Variants in TRDMT1 observed in about 807,000 individuals in gnomAD.
TRDMT1 encodes tRNA aspartic acid methyltransferase 1.
A neutral mutation model predicts 51.2 loss-of-function variants in TRDMT1; 49 were observed. The observed-to-expected ratio is 0.96, with a 90% CI of 0.76 to 1.21. TRDMT1 has a LOEUF of 1.21. Among genes scored for constraint, TRDMT1 ranks in the 50% most tolerant of loss-of-function variants. The pLI, the probability that TRDMT1 is intolerant of heterozygous loss-of-function variation, is 0.00. For synonymous variants in TRDMT1, 187 were observed against 164.6 expected, an observed-to-expected ratio of 1.14 and a Z score of -1.04; for missense variants, 534 against 462.3, an observed-to-expected ratio of 1.16 and a Z score of -1.42.
Position 17,145,793 on chromosome 10 carries a change from C to T in TRDMT1, c.*3247G>A. On this transcript the variant is annotated 3_prime_UTR_variant, in exon 11 of 11. Coordinates refer to ENST00000377799, the MANE Select transcript of TRDMT1 (RefSeq NM_004412.7). ...AGTGACTTTGGTTTGGATGCAGATG[C>T]AGCTGGCCTGCAGAATGCATCCTTT... 1.4e-5 allele frequency: 14 copies of T among 985,442 alleles called. No homozygotes were observed. The highest frequency in any genetic ancestry group is 1.7e-5 in the Non-Finnish European group (14 of 829,940). 61.0% of individuals were successfully genotyped at this position (985,442 alleles called of 1,614,324 possible).
intron 1 of TRDMT1, among the ~76,000 whole-genome samples, chr10:17,199,948 C>A (rs1198676278): frequency 6.6e-6 from 1 of 152,152 alleles, no homozygotes; most frequent in Non-Finnish European, 1.5e-5. Flanking sequence ...TACACAATTT[C>A]CCCTAACAAA....
chr10:17,176,202 A>C (rs928085154), intron 1 of TRDMT1, among the ~76,000 whole-genome samples: 2 of 152,212 alleles, frequency 1.3e-5, no homozygotes, highest in Non-Finnish European at 2.9e-5. Context: ...GCTGAAAATT[A>C]AATAAACTTC....
chr10:17,175,523 G>C (rs1842518492), intron 1 of TRDMT1, among the ~76,000 whole-genome samples: 1 of 152,138 alleles, frequency 6.6e-6, no homozygotes, highest in Non-Finnish European at 1.5e-5. Context: ...AGGAGAAAGT[G>C]TGAAGTTTTA....
At chr10:17,183,400 T>C (rs909310825) in intron 1 of TRDMT1, among the ~76,000 whole-genome samples, 5 of 152,176 alleles carry the variant, frequency 3.3e-5, no homozygotes, top group Non-Finnish European at 7.4e-5. Flanking sequence ...ATTGAGAATA[T>C]ACTATTATTT....
intron 8 of TRDMT1, among the ~76,000 whole-genome samples, chr10:17,156,145 C>T (rs1043354515): frequency 6.6e-6 from 1 of 152,016 alleles, no homozygotes; most frequent in African/African-American, 2.4e-5. Flanking sequence ...AAGGTAAGAA[C>T]AGAAAGCCTG....
intron 2 of TRDMT1, among the ~76,000 whole-genome samples, chr10:17,172,255 A>G (rs1842126499): frequency 6.6e-6 from 1 of 152,226 alleles, no homozygotes; most frequent in Non-Finnish European, 1.5e-5. Flanking sequence ...TGAAAGCAGA[A>G]ATTATTACAG....
chr10:17,153,768 A>T, intron 9 of TRDMT1, 132 bp from the exon 10 acceptor site: 7 of 857,392 alleles, frequency 8.2e-6, no homozygotes, highest in Non-Finnish European at 1.2e-5. Context: ...CACAGGGCAA[A>T]ATGGCTCTGT....
Position 17,146,414 on chromosome 10 carries a change from G to T in TRDMT1, c.*2626C>A, listed in dbSNP as rs149225634. The T allele has an allele frequency of 1.0e-6, 1 of 985,394 alleles. No homozygotes were observed. 61.0% of individuals were successfully genotyped at this position (985,394 alleles called of 1,614,324 possible). A position where few individuals can be genotyped will look rare whatever the true frequency, so the allele number is the denominator to read the frequency against. ...ATTCCTCTTTCTTGCCTGCCACTGAGGATTGTCAGGCTCTGACCCCTCCTA... is the reference window on the plus strand; with the variant it reads ...ATTCCTCTTTCTTGCCTGCCACTGATGATTGTCAGGCTCTGACCCCTCCTA... On this transcript the variant is annotated 3_prime_UTR_variant, in exon 11 of 11. Coordinates refer to ENST00000377799, the MANE Select transcript of TRDMT1 (RefSeq NM_004412.7).
chr10:17,162,852 T>C (rs1035541580), intron 3 of TRDMT1, among the ~76,000 whole-genome samples: 2 of 152,194 alleles, frequency 1.3e-5, no homozygotes, highest in African/African-American at 2.4e-5. Flanking sequence ...ATATGACAAA[T>C]GACTTACATT....
In TRDMT1 at chr10:17,177,180, T is replaced by TTTTA. The variant is rs60893968; in HGVS notation, c.65-2524_65-2521dup. Among the ~76,000 whole-genome samples the TTTTA allele has an allele frequency of 3.4e-3, 486 of 141,540 alleles. 2 individuals are homozygous for TTTTA. Among genetic ancestry groups the TTTTA allele is most frequent in the African/African-American group, 7.7e-3 (295 of 38,474 alleles). The allele number at this position is 141,540 out of a possible 152,430, so 92.9% of individuals were successfully genotyped here. ...TATCCTACTTAGAGAAACACATTTA[T>TTTTA]TTTATTTATTTATTTATTTATTTAT... On this transcript the variant is annotated intron_variant, in intron 1 of 10. Coordinates refer to ENST00000377799, the MANE Select transcript of TRDMT1 (RefSeq NM_004412.7).
intron 1 of TRDMT1, among the ~76,000 whole-genome samples, chr10:17,197,032 A>AC (rs2131630479): frequency 1.3e-5 from 2 of 152,116 alleles, no homozygotes; most frequent in Non-Finnish European, 2.9e-5. Flanking sequence ...CTGTGGCCAT[A>AC]CCCACACTAT....
At chr10:17,150,830 C>T in intron 10 of TRDMT1, 1 of 984,510 alleles carries the variant, frequency 1.0e-6, no homozygotes, top group Non-Finnish European at 1.2e-6. Context: ...TAGGTAAGCA[C>T]ATTATTTATC....
chr10:17,200,706 A>G (rs945678330), intron 1 of TRDMT1: 1 of 155,082 alleles, frequency 6.4e-6, no homozygotes, highest in Non-Finnish European at 1.5e-5. Context: ...ATATCACCAA[A>G]AGTAAAACTT....
At chr10:17,181,687 T>TTGGA (rs1843299759) in intron 1 of TRDMT1, among the ~76,000 whole-genome samples, 1 of 151,914 alleles carries the variant, frequency 6.6e-6, no homozygotes, top group African/African-American at 2.4e-5. Flanking sequence ...TCAAATTTTT[T>TTGGA]AACACCTACA....
intron 1 of TRDMT1, among the ~76,000 whole-genome samples, chr10:17,189,939 A>T (rs1779224784): frequency 6.6e-6 from 1 of 152,134 alleles, no homozygotes; most frequent in Admixed American, 6.5e-5. Flanking sequence ...TTTGAACAAA[A>T]ATCAGTAATG....
In TRDMT1 at chr10:17,146,169, C is replaced by G. The variant is rs542132924; in HGVS notation, c.*2871G>C. 14 of 985,344 alleles carry G rather than the reference C, an allele frequency of 1.4e-5. No homozygotes were observed. The African/African-American group carries it at 2.4e-4, about 17-fold the overall frequency. The allele number at this position is 985,344 out of a possible 1,614,324, so 61.0% of individuals were successfully genotyped here. ...TGGATAATTTCAAGCAACAGTTTAC[C>G]CTCAAATTTCTAAAAAAGTGCTGGG... On this transcript the variant is annotated 3_prime_UTR_variant, in exon 11 of 11. Coordinates refer to ENST00000377799, the MANE Select transcript of TRDMT1 (RefSeq NM_004412.7).
chr10:17,152,047 T>C, intron 10 of TRDMT1: 5 of 1,301,952 alleles, frequency 3.8e-6, no homozygotes, highest in Non-Finnish European at 5.1e-6. Context: ...GAATTCATTT[T>C]AATTGAATAG....
At chr10:17,163,304 A>G (rs1384424416) in intron 3 of TRDMT1, among the ~76,000 whole-genome samples, 4 of 152,134 alleles carry the variant, frequency 2.6e-5, no homozygotes, top group African/African-American at 9.7e-5. Flanking sequence ...GGAATAGAGG[A>G]TCAAGCAGAA....
At chr10:17,169,535 CT>C in intron 2 of TRDMT1, 2 of 1,289,678 alleles carry the variant, frequency 1.6e-6, no homozygotes, top group Non-Finnish European at 2.0e-6. Flanking sequence ...TGTGTTGCTC[CT>C]TTTCTATATC....
Sources: gnomAD v4.1 joint callset for allele counts (sites outside exome capture counted in the v4.1 genomes callset) on GRCh38, gnomAD v4.1.1 for gene constraint, MANE v1.5 for transcripts, NCBI Gene and HGNC (gene_info 2026-07-23, HGNC 2026-07-21) for gene names.